ADGRB1: variants seen among roughly 807,000 people sequenced by gnomAD.
The protein encoded by ADGRB1 is adhesion G protein-coupled receptor B1.
In ADGRB1, 36 loss-of-function variants were observed where a neutral mutation model predicts 175.7. The ratio of observed to expected loss-of-function variants is 0.20; its 90% CI spans 0.16 to 0.27. The LOEUF is 0.27. ADGRB1 is among the 10% of genes least tolerant of loss of function. The pLI is 1.00. For synonymous variants in ADGRB1, 1,054 were observed against 979.4 expected (o/e 1.08, Z -1.42); for missense variants, 1,731 against 2,255.3 (o/e 0.77, Z 4.71).
intron 8 of ADGRB1, 94 bp downstream of exon 8, chr8:142,479,581 G>A (rs1393411861): frequency 2.0e-6 from 3 of 1,524,684 alleles, no homozygotes; most frequent in Admixed American, 2.1e-5. Flanking sequence ...TGTGTTGGGG[G>A]CTCCCGTCCT....
Position 142,464,896 on chromosome 8 carries a change from A to T in ADGRB1, c.698A>T (p.Asp233Val). 5.9e-6 allele frequency: 9 copies of T among 1,526,180 alleles called. No homozygotes were observed. Among genetic ancestry groups the T allele is most frequent in the Non-Finnish European group, 7.9e-6 (9 of 1,142,130 alleles). The allele number at this position is 1,526,180 out of a possible 1,614,324, so 94.5% of individuals were successfully genotyped here. A position where few individuals can be genotyped will look rare whatever the true frequency, so the allele number is the denominator to read the frequency against. The change falls in exon 2 of 31, where the codon GAT becomes GTT. Residue 233 changes from aspartate (D) to valine (V), a missense_variant. Asp to Val is a radical substitution (Grantham distance 152). This residue lies in a region of ADGRB1 where 383 missense variants were observed against 383.1 expected (regional missense o/e 1.00). Transcript: ENST00000517894. ...GCGGGACCCCTGGCCCCCCGCGGGG[A>T]TGTCTGCTTGAGAGATGCGGTGGCT... is the stretch of plus-strand genomic sequence containing the variant. ...PAAGPLAPRGDVCLRDAVAGG... is the reference protein window; with the variant it reads ...PAAGPLAPRGVVCLRDAVAGG...
intron 9 of ADGRB1, 107 bp downstream of exon 9, chr8:142,479,901 C>T: frequency 7.9e-7 from 1 of 1,260,220 alleles, no homozygotes; most frequent in Non-Finnish European, 1.1e-6. Context: ...ACACGGAGCC[C>T]AGACAGCCTG....
intron 13 of ADGRB1, among the ~76,000 whole-genome samples, chr8:142,486,213 C>T (rs79070922): frequency 0.028 from 4,332 of 152,296 alleles, 220 homozygotes; most frequent in African/African-American, 0.098. Context: ...CTACATCCCT[C>T]CCTCACTCAG....
chr8:142,513,219 G>A (rs749297745), intron 18 of ADGRB1, among the ~76,000 whole-genome samples: 2 of 152,202 alleles, frequency 1.3e-5, no homozygotes, highest in Non-Finnish European at 2.9e-5. Flanking sequence ...GACCCTGGGA[G>A]CCTCAGTGTC....
At chr8:142,541,156 G>A (rs1419731875) in intron 27 of ADGRB1, among the ~76,000 whole-genome samples, 1 of 151,986 alleles carries the variant, frequency 6.6e-6, no homozygotes, top group Middle Eastern at 3.2e-3. Context: ...GGAGACTGGG[G>A]CTTGGAGAAA....
intron 17 of ADGRB1, among the ~76,000 whole-genome samples, chr8:142,497,927 A>T (rs1326053948): frequency 6.6e-6 from 1 of 152,124 alleles, no homozygotes; most frequent in African/African-American, 2.4e-5. Flanking sequence ...CTGAACTTCG[A>T]GTGGGCTAGC....
At chr8:142,476,777 G>A (rs921372999) in intron 4 of ADGRB1, 82 bp downstream of exon 4, 2 of 1,316,436 alleles carry the variant, frequency 1.5e-6, no homozygotes, top group African/African-American at 1.5e-5. Context: ...GTTATGGGTA[G>A]TAACTTGAAT....
Position 142,544,669 on chromosome 8 carries a change from G to GC in ADGRB1, c.*254dup, listed in dbSNP as rs1284182218. ...GTGCCTCAGACTCCGCCCTCCTCGG[G>GC]CCGAGGCCCAGCGGGCAGATGGGCG... On this transcript the variant is annotated 3_prime_UTR_variant, in exon 31 of 31. Transcript: ENST00000517894. 1.8e-5 allele frequency: 7 copies of GC among 380,352 alleles called. No individual in the cohort carries two copies. In the East Asian group the frequency reaches 2.3e-4, roughly 12 times the overall value. The allele number at this position is 380,352 out of a possible 1,614,324, so 23.6% of individuals were successfully genotyped here. A position where few individuals can be genotyped will look rare whatever the true frequency, so the allele number is the denominator to read the frequency against.
Position 142,485,357 on chromosome 8 carries a change from G to A in ADGRB1, c.2308+593G>A, listed in dbSNP as rs578145512. 6.6e-5 allele frequency among the ~76,000 whole-genome samples: 10 copies of A among 152,276 alleles called. No individual in the cohort carries two copies. In the East Asian group the frequency reaches 7.7e-4, roughly 12 times the overall value. ...CCCTCAAATATCTCTCAAAAGCCAC[G>A]TTTCTCAAACTTTCCCTGCCTTGAT... is the stretch of plus-strand genomic sequence containing the variant. On this transcript the variant is annotated intron_variant, in intron 13 of 30. Transcript: ENST00000517894.
chr8:142,480,816 T>G (rs1322631835), intron 9 of ADGRB1, among the ~76,000 whole-genome samples: 2 of 152,182 alleles, frequency 1.3e-5, no homozygotes, highest in East Asian at 3.9e-4. Context: ...GTCCCCTTAA[T>G]GCCCAGCAGC....
intron 17 of ADGRB1, among the ~76,000 whole-genome samples, chr8:142,497,882 T>A (rs1842295646): frequency 6.6e-6 from 1 of 152,098 alleles, no homozygotes; most frequent in South Asian, 2.1e-4. Flanking sequence ...ATGGACCAGG[T>A]CGTAAGGTCA....
intron 25 of ADGRB1, 103 bp from the exon 26 acceptor site, chr8:142,536,884 T>C (rs906589150): frequency 1.0e-6 from 1 of 984,652 alleles, no homozygotes; most frequent in Middle Eastern, 2.9e-4. Flanking sequence ...GCCCTGCCCT[T>C]CCCCGAGACG....
In ADGRB1 at chr8:142,541,927, C is replaced by T. The variant is rs767440146; in HGVS notation, c.3707-14C>T. The T allele has an allele frequency of 6.1e-5, 94 of 1,533,266 alleles. No homozygotes were observed. Among genetic ancestry groups the T allele is most frequent in the Admixed American group, 4.3e-4 (22 of 50,744 alleles). 95.0% of individuals were successfully genotyped at this position (1,533,266 alleles called of 1,614,324 possible). A position where few individuals can be genotyped will look rare whatever the true frequency, so the allele number is the denominator to read the frequency against. ...CCACACCTGTCCCCGCTGTCTCCCCCGCGGCCCCTGCAGTGCTGAACAAGG... is the reference window on the plus strand; with the variant it reads ...CCACACCTGTCCCCGCTGTCTCCCCTGCGGCCCCTGCAGTGCTGAACAAGG... On this transcript the variant is annotated splice_polypyrimidine_tract_variant and intron_variant, in intron 27 of 30. Coordinates refer to ENST00000517894, the MANE Select transcript of ADGRB1 (RefSeq NM_001702.3).
chr8:142,464,034 C>G lies in ADGRB1; in HGVS notation c.-165C>G. On this transcript the variant is annotated 5_prime_UTR_variant, in exon 2 of 31. Transcript: ENST00000517894. ...GGGCCCTGGACTTTAGAAGCCGTTG[C>G]TGCCCTCTCTGTCACCTGAAGCGGG... 1.8e-6 allele frequency: 1 copy of G among 557,990 alleles called. No individual in the cohort carries two copies. Among genetic ancestry groups the G allele is most frequent in the Non-Finnish European group, 2.6e-6 (1 of 380,750 alleles). 34.6% of individuals were successfully genotyped at this position (557,990 alleles called of 1,614,324 possible).
At chr8:142,490,688 C>T in intron 16 of ADGRB1, 84 bp from the exon 17 acceptor site, 1 of 1,462,992 alleles carries the variant, frequency 6.8e-7, no homozygotes, top group Non-Finnish European at 9.3e-7. Context: ...TGGTAGCACA[C>T]CTTTAGGTGG....
At chr8:142,526,424 T>A (rs1344491120) in intron 23 of ADGRB1, 118 bp from the exon 24 acceptor site, 12 of 893,448 alleles carry the variant, frequency 1.3e-5, no homozygotes, top group Non-Finnish European at 2.0e-5. Context: ...GCACGGGAGG[T>A]GACCCTGGGT....
At position 142,474,258 on chromosome 8, in the gene ADGRB1, G is replaced by A. The variant is rs1166094211; in HGVS notation, c.785-1216G>A. Among the ~76,000 whole-genome samples, 1 of 152,032 alleles carries A rather than the reference G, an allele frequency of 6.6e-6. No individual in the cohort carries two copies. The highest frequency in any genetic ancestry group is 1.9e-4 in the East Asian group (1 of 5,170). ...GTGCTTGGCCTGATTGCTGCCCCTG[G>A]GGCCTCCCCTGCTGTACCTGGGATC... On this transcript the variant is annotated intron_variant, in intron 2 of 30. Coordinates refer to ENST00000517894, the MANE Select transcript of ADGRB1 (RefSeq NM_001702.3). This position sits in a 1 kb window ranked among gnomAD's most constrained non-coding sequence, Gnocchi z 5.8.
rs371143568 is a variant in ADGRB1 at position 142,521,749 on chromosome 8, G to A, written c.3025-216G>A. Among the ~76,000 whole-genome samples the A allele has an allele frequency of 2.1e-4, 32 of 152,344 alleles. 2 individuals carry two copies. The highest frequency in any genetic ancestry group is 1.6e-3 in the Admixed American group (25 of 15,314). On this transcript the variant is annotated intron_variant, in intron 20 of 30. Coordinates refer to ENST00000517894, the MANE Select transcript of ADGRB1 (RefSeq NM_001702.3). The stretch of plus-strand genomic sequence containing the variant: ...GAATGGTGCTGAGAAAGATGGGGAG[G>A]GAGGATCTGTTTGTCCCAACGGGGC...
At chr8:142,462,167 G>T (rs1004110483) in intron 1 of ADGRB1, among the ~76,000 whole-genome samples, 2 of 152,146 alleles carry the variant, frequency 1.3e-5, no homozygotes, top group African/African-American at 2.4e-5. Context: ...TGGGAAGATT[G>T]TTTTGTAGGT....
Sources: gnomAD v4.1 joint callset for allele counts (sites outside exome capture counted in the v4.1 genomes callset) on GRCh38, gnomAD v4.1.1 for gene constraint, gnomAD v4.1.1 regional missense constraint, Gnocchi (gnomAD v3.1) non-coding constraint, MANE v1.5 for transcripts, NCBI Gene and HGNC (gene_info 2026-07-23, HGNC 2026-07-21) for gene names.